SYN3: variants seen among roughly 807,000 people sequenced by gnomAD.
SYN3 encodes the protein synapsin-3.
In SYN3, 35 loss-of-function variants were observed where a neutral mutation model predicts 65.8. The ratio of observed to expected loss-of-function variants is 0.53; its 90% CI spans 0.41 to 0.70. The LOEUF is 0.70. SYN3 is among the 30% of genes least tolerant of loss of function. The pLI is 0.00. For missense variants in SYN3, 680 were observed against 749.0 expected (o/e 0.91, Z 1.08); for synonymous variants, 270 against 292.9 (o/e 0.92, Z 0.80).
intron 4 of SYN3, among the ~76,000 whole-genome samples, chr22:32,908,563 A>G (rs1295063649): frequency 6.6e-6 from 1 of 151,970 alleles, no homozygotes; most frequent in Admixed American, 6.6e-5. Flanking sequence ...CCAAGGCCAT[A>G]CCTTTAACCA....
chr22:33,053,188 C>T (rs993034993), intron 1 of SYN3, among the ~76,000 whole-genome samples: 3 of 152,160 alleles, frequency 2.0e-5, no homozygotes, highest in Admixed American at 1.3e-4. Context: ...TTTGGGAGGC[C>T]GAGGTGGGTG....
intron 4 of SYN3, among the ~76,000 whole-genome samples, chr22:32,875,593 G>A (rs1260888438): frequency 6.6e-6 from 1 of 152,222 alleles, no homozygotes; most frequent in Non-Finnish European, 1.5e-5. Flanking sequence ...CACACTGGAG[G>A]AGAGTGAACC....
chr22:32,684,463 C>A (rs2060564262), intron 6 of SYN3, among the ~76,000 whole-genome samples: 1 of 152,114 alleles, frequency 6.6e-6, no homozygotes, highest in East Asian at 1.9e-4. Context: ...TGGGTTTTTT[C>A]TTATTTCATT....
chr22:33,045,997 A>G (rs1172271565), intron 1 of SYN3, among the ~76,000 whole-genome samples: 7 of 152,146 alleles, frequency 4.6e-5, no homozygotes, highest in African/African-American at 1.7e-4. Context: ...ACAATAAAAA[A>G]AGCAATTAAA....
chr22:32,828,527 C>A (rs2047479849), intron 6 of SYN3, among the ~76,000 whole-genome samples: 1 of 152,204 alleles, frequency 6.6e-6, no homozygotes, highest in Non-Finnish European at 1.5e-5. Flanking sequence ...TCTAGATGAG[C>A]CTTCTAGGCC....
intron 3 of SYN3, among the ~76,000 whole-genome samples, chr22:32,957,119 G>A (rs762914304): frequency 2.0e-5 from 3 of 152,174 alleles, no homozygotes; most frequent in Non-Finnish European, 4.4e-5. Context: ...TGGAGAGATG[G>A]TTTTCTACCC....
intron 6 of SYN3, among the ~76,000 whole-genome samples, chr22:32,603,815 C>CA (rs1333895242): frequency 6.6e-6 from 1 of 152,236 alleles, no homozygotes; most frequent in Admixed American, 6.5e-5. Flanking sequence ...ATCAGCCTCT[C>CA]ACAGGCTCCC....
At chr22:32,954,942 C>CT (rs770971735) in intron 3 of SYN3, among the ~76,000 whole-genome samples, 3,893 of 118,828 alleles carry the variant, frequency 0.033, 189 homozygotes, top group African/African-American at 0.1. Context: ...TTTTCCTTTT[C>CT]TTTTTTTTTT....
chr22:32,753,881 C>T (rs138615925), intron 6 of SYN3, among the ~76,000 whole-genome samples: 1,833 of 152,328 alleles, frequency 0.012, 26 homozygotes, highest in Non-Finnish European at 0.018. Flanking sequence ...CCTGCTCTCA[C>T]GGAGCTCACG....
intron 6 of SYN3, among the ~76,000 whole-genome samples, chr22:32,807,568 G>A (rs1487323703): frequency 1.3e-5 from 2 of 149,376 alleles, no homozygotes; most frequent in Non-Finnish European, 1.5e-5. Context: ...TCAGTTTTAT[G>A]AGGGAGGTGT....
chr22:32,853,343 G>T (rs573459422), intron 6 of SYN3, among the ~76,000 whole-genome samples: 1 of 152,294 alleles, frequency 6.6e-6, no homozygotes, highest in African/African-American at 2.4e-5. Flanking sequence ...AGAATTTGTG[G>T]GTTTAAATGA....
At position 32,663,337 on chromosome 22, in the gene SYN3, C is replaced by T. The variant is rs1475792870; in HGVS notation, c.712-66601G>A. On this transcript the variant is annotated intron_variant, in intron 6 of 13. Coordinates refer to ENST00000358763, the MANE Select transcript of SYN3 (RefSeq NM_003490.4). ...TTTTTTTTTTTGAGTCTCACTCTGT[C>T]GCCCAGGCTGGAGTGCAGTGGCGCC... Among the ~76,000 whole-genome samples, 821 of 145,038 alleles carry T rather than the reference C, an allele frequency of 5.7e-3. 11 individuals are homozygous for T. Among genetic ancestry groups the T allele is most frequent in the African/African-American group, 0.02 (770 of 38,350 alleles).
At chr22:32,858,967 A>G (rs528464456) in intron 6 of SYN3, among the ~76,000 whole-genome samples, 1 of 152,302 alleles carries the variant, frequency 6.6e-6, no homozygotes, top group Admixed American at 6.5e-5. Context: ...AAACTGTGAT[A>G]AGAATTAAAG....
At position 32,749,639 on chromosome 22, in the gene SYN3, TCAACAA is replaced by T. The variant is rs559074812; in HGVS notation, c.711+115270_711+115275del. ...CTGGGTGACAGAATGAGACTTCATC[TCAACAA>T]CAACAACAACAACAAAAATTCAACA... On this transcript the variant is annotated intron_variant, in intron 6 of 13. Transcript: ENST00000358763. Among the ~76,000 whole-genome samples the T allele has an allele frequency of 1.2e-4, 18 of 152,000 alleles. 2 individuals carry two copies. In the South Asian group the frequency reaches 3.7e-3, roughly 32 times the overall value.
intron 4 of SYN3, among the ~76,000 whole-genome samples, chr22:32,888,282 G>C (rs1428539752): frequency 6.6e-6 from 1 of 152,170 alleles, no homozygotes; most frequent in Non-Finnish European, 1.5e-5. Context: ...TAGAGATAAA[G>C]TTATATGATT....
At chr22:32,644,099 A>G (rs5749474) in intron 6 of SYN3, among the ~76,000 whole-genome samples, 1,623 of 21,182 alleles carry the variant, frequency 0.077, 220 homozygotes, top group African/African-American at 0.25. Flanking sequence ...AAAAAAAAAA[A>G]AAAGCGACAA....
At chr22:32,742,282 T>C (rs981404065) in intron 6 of SYN3, among the ~76,000 whole-genome samples, 2 of 151,708 alleles carry the variant, frequency 1.3e-5, no homozygotes, top group African/African-American at 4.8e-5. Context: ...AGTAAATAAA[T>C]AAATAAATAA....
intron 6 of SYN3, among the ~76,000 whole-genome samples, chr22:32,786,960 C>T (rs9619310): frequency 0.037 from 5,655 of 152,072 alleles, 348 homozygotes; most frequent in African/African-American, 0.13. Context: ...GTGTTCAACA[C>T]GGATAGGACC....
intron 6 of SYN3, among the ~76,000 whole-genome samples, chr22:32,682,760 T>TG (rs1239388962): frequency 0.012 from 2 of 162 alleles, no homozygotes; most frequent in Non-Finnish European, 0.028. Context: ...GTGATGTTAT[T>TG]TTTCACCAAT....
Sources: allele counts gnomAD v4.1 joint callset (sites outside exome capture counted in the v4.1 genomes callset), GRCh38; gene constraint gnomAD v4.1.1; transcripts MANE v1.5; gene names NCBI Gene and HGNC (gene_info 2026-07-23, HGNC 2026-07-21).